LRRC7: variants seen among roughly 807,000 people sequenced by gnomAD.
LRRC7 encodes leucine-rich repeat-containing protein 7.
In LRRC7, 23 loss-of-function variants were observed where a neutral mutation model predicts 175.7. The observed-to-expected ratio is 0.13, with a 90% confidence interval of 0.09 to 0.19. The LOEUF is 0.19. Ranked by LOEUF, LRRC7 falls within the 10% of genes least tolerant of loss-of-function variation. LRRC7 has a pLI of 1.00. For synonymous variants in LRRC7, 685 were observed against 680.9 expected, an observed-to-expected ratio of 1.01 and a Z score of -0.09; for missense variants, 1,354 against 1,904.7, an observed-to-expected ratio of 0.71 and a Z score of 5.38.
intron 2 of LRRC7, among the ~76,000 whole-genome samples, chr1:69,705,117 C>T (rs1663863332): frequency 6.6e-6 from 1 of 152,026 alleles, no homozygotes; most frequent in African/African-American, 2.4e-5. Flanking sequence ...ACACTGTTAC[C>T]CACTTCTTCT....
intron 7 of LRRC7, among the ~76,000 whole-genome samples, chr1:69,861,228 C>T (rs1312287205): frequency 6.6e-6 from 1 of 152,046 alleles, no homozygotes; most frequent in Non-Finnish European, 1.5e-5. Context: ...TTGCTATTGG[C>T]AATTTGTAAA....
At chr1:69,946,075 G>A (rs568273578) in intron 8 of LRRC7, among the ~76,000 whole-genome samples, 2 of 152,280 alleles carry the variant, frequency 1.3e-5, no homozygotes, top group South Asian at 2.1e-4. Flanking sequence ...AAAGGTTATA[G>A]TTTTTCAGTG....
chr1:70,062,041 G>T (rs1480475545), intron 23 of LRRC7, among the ~76,000 whole-genome samples: 1 of 152,078 alleles, frequency 6.6e-6, no homozygotes, highest in Non-Finnish European at 1.5e-5. Context: ...TTGATTAGTG[G>T]TCATTTACTG....
chr1:69,568,462 A>G lies in LRRC7; in HGVS notation c.-178A>G. 2.6e-6 allele frequency: 1 copy of G among 385,626 alleles called. No individual in the cohort carries two copies. Among genetic ancestry groups the G allele is most frequent in the Non-Finnish European group, 4.7e-6 (1 of 212,310 alleles). The allele number at this position is 385,626 out of a possible 1,614,324, so 23.9% of individuals were successfully genotyped here. ...CACTGGCATCATGGTCTAACGTGGC[A>G]CCTTCCTGGATTCCCCTCTATCTCC... On this transcript the variant is annotated 5_prime_UTR_variant, in exon 1 of 27. Coordinates refer to ENST00000651989, the MANE Select transcript of LRRC7 (RefSeq NM_001370785.2).
intron 25 of LRRC7, among the ~76,000 whole-genome samples, chr1:70,090,767 A>G (rs1336299585): frequency 6.6e-6 from 1 of 152,042 alleles, no homozygotes; most frequent in East Asian, 1.9e-4. Context: ...CTCTCAACTC[A>G]TCACAATTAT....
At chr1:70,088,276 G>C (rs1663760730) in intron 24 of LRRC7, among the ~76,000 whole-genome samples, 1 of 152,300 alleles carries the variant, frequency 6.6e-6, no homozygotes, top group Middle Eastern at 3.4e-3. Flanking sequence ...TTGTAAAAGA[G>C]TTGGGCACAG....
chr1:69,925,479 G>C (rs1384315749), intron 7 of LRRC7, among the ~76,000 whole-genome samples: 16 of 151,860 alleles, frequency 1.1e-4, no homozygotes, highest in East Asian at 5.8e-4. Flanking sequence ...AATTTCAGAG[G>C]CTGTTATTGG....
At chr1:69,904,172 T>C (rs919566120) in intron 7 of LRRC7, among the ~76,000 whole-genome samples, 8 of 152,196 alleles carry the variant, frequency 5.3e-5, no homozygotes, top group African/African-American at 1.7e-4. Flanking sequence ...TCTCTAGGAA[T>C]ATCTTACATA....
At chr1:70,121,710 T>C in intron 26 of LRRC7, 70 bp from the exon 27 acceptor site, 2 of 1,033,140 alleles carry the variant, frequency 1.9e-6, no homozygotes, top group Non-Finnish European at 2.9e-6. Context: ...CCGTGAATTT[T>C]ATGAATAGAA....
intron 23 of LRRC7, among the ~76,000 whole-genome samples, chr1:70,056,672 C>G (rs1302685411): frequency 6.6e-6 from 1 of 152,162 alleles, no homozygotes; most frequent in Non-Finnish European, 1.5e-5. Context: ...AGTCTTTCAA[C>G]AAGCCTCATC....
chr1:69,736,589 G>A (rs1668139730), intron 2 of LRRC7, among the ~76,000 whole-genome samples: 1 of 152,036 alleles, frequency 6.6e-6, no homozygotes, highest in South Asian at 2.1e-4. Context: ...AATTTTTACT[G>A]GGAAAGTTAC....
chr1:69,574,711 T>C (rs1168252840), intron 1 of LRRC7, among the ~76,000 whole-genome samples: 1 of 152,136 alleles, frequency 6.6e-6, no homozygotes. Flanking sequence ...ATCATTGCAG[T>C]TCTTACCACC....
intron 26 of LRRC7, among the ~76,000 whole-genome samples, chr1:70,113,446 C>G (rs896888431): frequency 6.6e-6 from 1 of 152,076 alleles, no homozygotes; most frequent in Non-Finnish European, 1.5e-5. Flanking sequence ...ATCTAGTTGT[C>G]CAGACCACCA....
intron 1 of LRRC7, among the ~76,000 whole-genome samples, chr1:69,662,690 T>C (rs115338040): frequency 1.3e-5 from 2 of 152,356 alleles, no homozygotes; most frequent in African/African-American, 4.8e-5. Context: ...CTCAACATAG[T>C]TGGCTGAGAT....
At chr1:69,737,564 G>A (rs1668260322) in intron 2 of LRRC7, among the ~76,000 whole-genome samples, 1 of 152,126 alleles carries the variant, frequency 6.6e-6, no homozygotes. Context: ...TTGACCCAGA[G>A]ACTCCCCCAC....
intron 2 of LRRC7, among the ~76,000 whole-genome samples, chr1:69,712,464 C>T (rs1664872203): frequency 6.6e-6 from 1 of 151,988 alleles, no homozygotes; most frequent in Admixed American, 6.6e-5. Flanking sequence ...ATTAGCCAGG[C>T]TTGGTGGTGG....
At chr1:69,882,342 G>A (rs78237913) in intron 7 of LRRC7, among the ~76,000 whole-genome samples, 4,426 of 152,152 alleles carry the variant, frequency 0.029, 214 homozygotes, top group African/African-American at 0.1. Flanking sequence ...ATATGATCCA[G>A]CAATTCCCCT....
At chr1:69,740,322 C>A (rs537166465) in intron 2 of LRRC7, among the ~76,000 whole-genome samples, 1 of 152,042 alleles carries the variant, frequency 6.6e-6, no homozygotes, top group Non-Finnish European at 1.5e-5. Flanking sequence ...CTCATGGGGA[C>A]TTTTCTCTGT....
intron 23 of LRRC7, among the ~76,000 whole-genome samples, chr1:70,068,779 C>T (rs550568804): frequency 6.6e-6 from 1 of 152,172 alleles, no homozygotes; most frequent in African/African-American, 2.4e-5. Context: ...TGCAGTAGTA[C>T]AATCATAGCT....
Sources: allele counts gnomAD v4.1 joint callset (sites outside exome capture counted in the v4.1 genomes callset), GRCh38; gene constraint gnomAD v4.1.1; transcripts MANE v1.5; gene names NCBI Gene and HGNC (gene_info 2026-07-23, HGNC 2026-07-21).